SAP25: variants seen among roughly 807,000 people sequenced by gnomAD.
SAP25 encodes Sin3A associated protein 25.
A neutral mutation model predicts 31.5 loss-of-function variants in SAP25; 24 were observed. The ratio of observed to expected loss-of-function variants is 0.76; its 90% CI spans 0.55 to 1.07. SAP25 has a LOEUF of 1.07. Ranked by LOEUF, SAP25 falls within the 50% of genes least tolerant of loss-of-function variation. SAP25 has a pLI of 0.00. For synonymous variants in SAP25, 180 were observed against 186.0 expected (o/e 0.97, Z 0.26); for missense variants, 377 against 418.8 (o/e 0.90, Z 0.87).
At position 100,572,620 on chromosome 7, in the gene SAP25, T is replaced by TG; in HGVS notation, c.609+33dup. On this transcript the variant is annotated intron_variant, in intron 5 of 5. Transcript: ENST00000622764. This position sits in a 1 kb window ranked among gnomAD's most constrained non-coding sequence, Gnocchi z 4.1. ...TTTCCTGCCAGGCAAGCCTGGAGGC[T>TG]GGGGTAAGGACAGGGAGGGGAAAGA... The TG allele has an allele frequency of 1.3e-6, 2 of 1,506,822 alleles. No individual in the cohort carries two copies. The highest frequency in any genetic ancestry group is 1.8e-6 in the Non-Finnish European group (2 of 1,135,100). The allele number at this position is 1,506,822 out of a possible 1,614,324, so 93.3% of individuals were successfully genotyped here.
rs1801201625 is a variant in SAP25, at chr7:100,573,220, G to A, written c.251-8C>T. 2.0e-6 allele frequency: 3 copies of A among 1,473,076 alleles called. No homozygotes were observed. Among genetic ancestry groups the A allele is most frequent in the African/African-American group, 1.4e-5 (1 of 71,384 alleles). The allele number at this position is 1,473,076 out of a possible 1,614,324, so 91.3% of individuals were successfully genotyped here. ...CCTGGGGGGAACGGGGATCTGGGGGGACGCTTGGGGATTATAACAGGCTCA... is the reference window on the plus strand; with the variant it reads ...CCTGGGGGGAACGGGGATCTGGGGGAACGCTTGGGGATTATAACAGGCTCA... On this transcript the variant is annotated splice_polypyrimidine_tract_variant and splice_region_variant and intron_variant, in intron 2 of 5. Coordinates refer to ENST00000622764, the MANE Select transcript of SAP25 (RefSeq NM_001348680.2).
Position 100,572,509 on chromosome 7 carries a change from G to C in SAP25, c.672C>G (p.Arg224=). 1 of 1,435,388 alleles carries C rather than the reference G, an allele frequency of 7.0e-7. No homozygotes were observed. The highest frequency in any genetic ancestry group is 9.1e-7 in the Non-Finnish European group (1 of 1,097,252). 88.9% of individuals were successfully genotyped at this position (1,435,388 alleles called of 1,614,324 possible). A position where few individuals can be genotyped will look rare whatever the true frequency, so the allele number is the denominator to read the frequency against. The part of the protein sequence containing the change: ...PPIMSARVLP[R]PSPSRGPSTA... ...TGGAGGGGCCCCGGGAGGGTGATGG[G>C]CGGGGGAGCACCCTGGCAGACATGA... Residue 224 remains arginine (R), a synonymous_variant, in exon 6 of 6, where the codon CGC becomes CGG. Transcript: ENST00000622764. This position sits in a 1 kb window ranked among gnomAD's most constrained non-coding sequence, Gnocchi z 4.1.
rs902514505 is a variant in SAP25 at position 100,573,788 on chromosome 7, C to G, written c.-46G>C. ...ACGGTACCGCCGTGTCCCCGCCGCCCGGCCCGGCCCTCTCAGCCTCCCTCC... is the reference window on the plus strand; with the variant it reads ...ACGGTACCGCCGTGTCCCCGCCGCCGGGCCCGGCCCTCTCAGCCTCCCTCC... On this transcript the variant is annotated 5_prime_UTR_variant, in exon 1 of 6. Transcript: ENST00000622764. 5 of 1,175,968 alleles carry G rather than the reference C, an allele frequency of 4.3e-6. No individual in the cohort carries two copies. The African/African-American group carries it at 6.5e-5, about 15-fold the overall frequency. The allele number at this position is 1,175,968 out of a possible 1,614,324, so 72.8% of individuals were successfully genotyped here.
At position 100,573,848 on chromosome 7, in the gene SAP25, C is replaced by G. The variant is rs1801236744; in HGVS notation, c.-106G>C. 1 of 996,470 alleles carries G rather than the reference C, an allele frequency of 1.0e-6. No homozygotes were observed. The allele number at this position is 996,470 out of a possible 1,614,324, so 61.7% of individuals were successfully genotyped here. On this transcript the variant is annotated 5_prime_UTR_variant, in exon 1 of 6. Coordinates refer to ENST00000622764, the MANE Select transcript of SAP25 (RefSeq NM_001348680.2). Reference sequence around the variant, plus strand: ...CGCGAACGTGCCCTCCTGGCGAACCCACCCCAGAGGCCTCGCGGCGACGCT... The same window carrying G: ...CGCGAACGTGCCCTCCTGGCGAACCGACCCCAGAGGCCTCGCGGCGACGCT...
Position 100,573,788 on chromosome 7 carries a change from C to CG in SAP25, c.-47dup. ...ACGGTACCGCCGTGTCCCCGCCGCC[C>CG]GGCCCGGCCCTCTCAGCCTCCCTCC... On this transcript the variant is annotated 5_prime_UTR_variant, in exon 1 of 6. Coordinates refer to ENST00000622764, the MANE Select transcript of SAP25 (RefSeq NM_001348680.2). 1 of 1,176,076 alleles carries CG rather than the reference C, an allele frequency of 8.5e-7. No homozygotes were observed. The highest frequency in any genetic ancestry group is 4.2e-5 in the South Asian group (1 of 23,846). The allele number at this position is 1,176,076 out of a possible 1,614,324, so 72.9% of individuals were successfully genotyped here.
At position 100,573,172 on chromosome 7, in the gene SAP25, C is replaced by A. The variant is rs192702476; in HGVS notation, c.291G>T (p.Ser97=). ...SPQVAWEVAP[S]RMTPLAPWDP... ...CCCAGGGCGCTAGTGGAGTCATCCT[C>A]GAGGGGGCCACCTCCCAGGCCACCT... The change falls in exon 3 of 6, where the codon TCG becomes TCT. Residue 97 remains serine (S), a synonymous_variant. Transcript: ENST00000622764. 3.3e-6 allele frequency: 5 copies of A among 1,533,866 alleles called. No homozygotes were observed. Among genetic ancestry groups the A allele is most frequent in the Non-Finnish European group, 4.4e-6 (5 of 1,145,302 alleles).
At position 100,573,662 on chromosome 7, in the gene SAP25, G is replaced by A; in HGVS notation, c.81C>T (p.Asp27=). 8.1e-7 allele frequency: 1 copy of A among 1,230,848 alleles called. No homozygotes were observed. Among genetic ancestry groups the A allele is most frequent in the East Asian group, 3.2e-5 (1 of 31,654 alleles). The allele number at this position is 1,230,848 out of a possible 1,614,324, so 76.2% of individuals were successfully genotyped here. The change falls in exon 1 of 6, where the codon GAC becomes GAT. Residue 27 remains aspartate (D), a synonymous_variant. Transcript: ENST00000622764. ...PEGPGLPAGK[D]QGEPWSAGAD... ...CTCCGGCGCTCCAGGGCTCGCCCTGGTCCTTGCCCGCCGGAAGGCCTGGTC... is the reference window on the plus strand; with the variant it reads ...CTCCGGCGCTCCAGGGCTCGCCCTGATCCTTGCCCGCCGGAAGGCCTGGTC...
rs184836154 is a variant in SAP25, at chr7:100,572,778, G to A, written c.512-27C>T. ...TAGGAGGAAACACCACTAGGGTGGCGGGCTGCGGGCTCCCACCCCTGGGCA... is the reference window on the plus strand; with the variant it reads ...TAGGAGGAAACACCACTAGGGTGGCAGGCTGCGGGCTCCCACCCCTGGGCA... On this transcript the variant is annotated intron_variant, in intron 4 of 5. Transcript: ENST00000622764. The surrounding 1 kb of genome is among the most constrained non-coding windows in gnomAD (Gnocchi z 4.1). 5.3e-5 allele frequency: 80 copies of A among 1,517,388 alleles called. No individual in the cohort carries two copies. The Admixed American group carries it at 1.5e-3, about 29-fold the overall frequency. 94.0% of individuals were successfully genotyped at this position (1,517,388 alleles called of 1,614,324 possible).
Position 100,573,646 on chromosome 7 carries a change from T to C in SAP25, c.97A>G (p.Ser33Gly), listed in dbSNP as rs1224323290. The change falls in exon 1 of 6, where the codon AGC (serine) becomes GGC (glycine). Residue 33 changes from serine to glycine, a missense_variant. Physicochemically the swap from Ser to Gly is moderately conservative, Grantham distance 56 (BLOSUM62 0). Coordinates refer to ENST00000622764, the MANE Select transcript of SAP25 (RefSeq NM_001348680.2). ...PAGKDQGEPW[S>G]AGADAPRELG... ...TCCCTGGGGGCGTCCGCTCCGGCGC[T>C]CCAGGGCTCGCCCTGGTCCTTGCCC... 2.4e-6 allele frequency: 3 copies of C among 1,231,086 alleles called. No individual in the cohort carries two copies. Among genetic ancestry groups the C allele is most frequent in the East Asian group, 3.2e-5 (1 of 31,672 alleles). 76.3% of individuals were successfully genotyped at this position (1,231,086 alleles called of 1,614,324 possible). A position where few individuals can be genotyped will look rare whatever the true frequency, so the allele number is the denominator to read the frequency against.
In SAP25 at chr7:100,573,339, G is replaced by C. The variant is rs879753766; in HGVS notation, c.208C>G (p.His70Asp). Residue 70 changes from histidine (H) to aspartate (D), a missense_variant, in exon 2 of 6, where the codon CAC (histidine) becomes GAC (aspartate). Transcript: ENST00000622764. ...IWREQLLLPHHLPGPATEQPP... is the reference protein window; with the variant it reads ...IWREQLLLPHDLPGPATEQPP... Reference sequence around the variant, plus strand: ...TGCTCAGTGGCCGGGCCTGGCAGGTGGTGGGGCAGCAGCAGCTGCTCTCTC... The same window carrying C: ...TGCTCAGTGGCCGGGCCTGGCAGGTCGTGGGGCAGCAGCAGCTGCTCTCTC... The C allele has an allele frequency of 2.1e-6, 3 of 1,397,094 alleles. No individual in the cohort carries two copies. The highest frequency in any genetic ancestry group is 2.8e-6 in the Non-Finnish European group (3 of 1,075,948). 86.5% of individuals were successfully genotyped at this position (1,397,094 alleles called of 1,614,324 possible).
chr7:100,573,694 G>A lies in SAP25; in HGVS notation c.49C>T (p.Pro17Ser). ...CCCGCCGGAAGGCCTGGTCCCTCGG[G>A]CGCCTCCTCCGGGCCCGCGCCCCAC... is the stretch of plus-strand genomic sequence containing the variant. ...PRWGAGPEEAPEGPGLPAGKD... is the reference protein window; with the variant it reads ...PRWGAGPEEASEGPGLPAGKD... The change falls in exon 1 of 6, where the codon CCC (proline) becomes TCC (serine). Residue 17 changes from proline (P) to serine (S), a missense_variant. Coordinates refer to ENST00000622764, the MANE Select transcript of SAP25 (RefSeq NM_001348680.2). The A allele has an allele frequency of 8.1e-7, 1 of 1,229,772 alleles. No individual in the cohort carries two copies. Among genetic ancestry groups the A allele is most frequent in the Non-Finnish European group, 1.0e-6 (1 of 986,682 alleles). The allele number at this position is 1,229,772 out of a possible 1,614,324, so 76.2% of individuals were successfully genotyped here.
At position 100,573,900 on chromosome 7, in the gene SAP25, T is replaced by A; in HGVS notation, c.-158A>T. ...GCGCCCTGTGCGTCTCCCGGCCACG[T>A]GGCGCGTGCCCCCGCCGGGCTCCCG... On this transcript the variant is annotated 5_prime_UTR_variant, in exon 1 of 6. Transcript: ENST00000622764. 2.0e-6 allele frequency: 1 copy of A among 511,568 alleles called. No individual in the cohort carries two copies. Among genetic ancestry groups the A allele is most frequent in the East Asian group, 7.9e-5 (1 of 12,686 alleles). 31.7% of individuals were successfully genotyped at this position (511,568 alleles called of 1,614,324 possible). A position where few individuals can be genotyped will look rare whatever the true frequency, so the allele number is the denominator to read the frequency against.
Position 100,573,363 on chromosome 7 carries a change from T to C in SAP25, c.184A>G (p.Arg62Gly). 7.3e-7 allele frequency: 1 copy of C among 1,378,354 alleles called. No homozygotes were observed. The highest frequency in any genetic ancestry group is 9.4e-7 in the Non-Finnish European group (1 of 1,065,262). 85.4% of individuals were successfully genotyped at this position (1,378,354 alleles called of 1,614,324 possible). A position where few individuals can be genotyped will look rare whatever the true frequency, so the allele number is the denominator to read the frequency against. The part of the protein sequence containing the change: ...PPSRSPSWIW[R>G]EQLLLPHHLP... ...TGGTGGGGCAGCAGCAGCTGCTCTC[T>C]CCAGATCCAGGAAGGGCTACGGGAT... Residue 62 changes from arginine (R) to glycine (G), a missense_variant, in exon 2 of 6, where the codon AGA (arginine) becomes GGA (glycine). By Grantham distance (125) the Arg-to-Gly change is moderately radical. Coordinates refer to ENST00000622764, the MANE Select transcript of SAP25 (RefSeq NM_001348680.2).
rs1201658829 is a variant in SAP25, at chr7:100,573,508, G to A, written c.146+89C>T. On this transcript the variant is annotated intron_variant, in intron 1 of 5. Transcript: ENST00000622764. ...GACCGAGGGACCCAATCTCCAGCAG[G>A]GACAATGGAGAAGCCTCCGTAGAGC... 24 of 1,216,908 alleles carry A rather than the reference G, an allele frequency of 2.0e-5. No individual in the cohort carries two copies. In the East Asian group the frequency reaches 6.5e-4, roughly 33 times the overall value. 75.4% of individuals were successfully genotyped at this position (1,216,908 alleles called of 1,614,324 possible).
chr7:100,573,443 G>A (rs1299978245), intron 1 of SAP25, 43 bp from the exon 2 acceptor site: 5 of 1,246,352 alleles, frequency 4.0e-6, no homozygotes, highest in Non-Finnish European at 2.1e-6. Flanking sequence ...CCGCCCCCAC[G>A]CACCCTCCCC....
rs1270863845 is a variant in SAP25, at chr7:100,573,712, CGCCCCACCG to C, written c.22_30del (p.Arg8_Gly10del). On this transcript the variant is annotated inframe_deletion, in exon 1 of 6. Transcript: ENST00000622764. ...CCCTCGGGCGCCTCCTCCGGGCCCG[CGCCCCACCG>C]CGGCGGCGACCAGGGCAACATTCCG... The C allele has an allele frequency of 8.2e-7, 1 of 1,226,046 alleles. No individual in the cohort carries two copies. Among genetic ancestry groups the C allele is most frequent in the African/African-American group, 1.6e-5 (1 of 64,054 alleles). The allele number at this position is 1,226,046 out of a possible 1,614,324, so 75.9% of individuals were successfully genotyped here.
In SAP25 at chr7:100,572,670, G is replaced by C. The variant is rs1801173941; in HGVS notation, c.593C>G (p.Ser198Cys). The C allele has an allele frequency of 1.3e-6, 2 of 1,534,930 alleles. No individual in the cohort carries two copies. Among genetic ancestry groups the C allele is most frequent in the Non-Finnish European group, 1.7e-6 (2 of 1,146,054 alleles). Reference protein sequence around the residue: ...PRGQRVPLYLSKAPQQMMGSL... With the variant: ...PRGQRVPLYLCKAPQQMMGSL... The stretch of plus-strand genomic sequence containing the variant: ...AGCTCTCACCTGCTGGGGGGCCTTG[G>C]ACAGGTACAGGGGAACACGCTGCCC... Residue 198 changes from serine (S) to cysteine (C), a missense_variant, in exon 5 of 6, where the codon TCC becomes TGC. Physicochemically the swap from Ser to Cys is moderately radical, Grantham distance 112 (BLOSUM62 -1). Transcript: ENST00000622764. This position sits in a 1 kb window ranked among gnomAD's most constrained non-coding sequence, Gnocchi z 4.1.
rs562168405 is a variant in SAP25 at position 100,573,887 on chromosome 7, T to C, written c.-145A>G. On this transcript the variant is annotated 5_prime_UTR_variant, in exon 1 of 6. Transcript: ENST00000622764. The stretch of plus-strand genomic sequence containing the variant: ...CGCGGCGACGCTGGCGCCCTGTGCG[T>C]CTCCCGGCCACGTGGCGCGTGCCCC... The C allele has an allele frequency of 1.0e-4, 63 of 629,954 alleles. No individual in the cohort carries two copies. The African/African-American group carries it at 1.0e-3, about 10-fold the overall frequency. The allele number at this position is 629,954 out of a possible 1,614,324, so 39.0% of individuals were successfully genotyped here.
rs1801232608 is a variant in SAP25, at chr7:100,573,753, C to T, written c.-11G>A. Reference sequence around the variant, plus strand: ...CGACCAGGGCAACATTCCGCGTTCCCGAGCGCAGGACGGTACCGCCGTGTC... The same window carrying T: ...CGACCAGGGCAACATTCCGCGTTCCTGAGCGCAGGACGGTACCGCCGTGTC... On this transcript the variant is annotated 5_prime_UTR_variant, in exon 1 of 6. Coordinates refer to ENST00000622764, the MANE Select transcript of SAP25 (RefSeq NM_001348680.2). 3.3e-6 allele frequency: 4 copies of T among 1,211,776 alleles called. No individual in the cohort carries two copies. The Admixed American group carries it at 1.7e-4, about 53-fold the overall frequency. 75.1% of individuals were successfully genotyped at this position (1,211,776 alleles called of 1,614,324 possible). A position where few individuals can be genotyped will look rare whatever the true frequency, so the allele number is the denominator to read the frequency against.
Sources: allele counts gnomAD v4.1 joint callset, GRCh38; gene constraint gnomAD v4.1.1; non-coding constraint Gnocchi (gnomAD v3.1); transcripts MANE v1.5; gene names NCBI Gene and HGNC (gene_info 2026-07-23, HGNC 2026-07-21).